Variants in BICDL1 observed in about 807,000 individuals in gnomAD.
BICDL1 encodes the protein BICD family like cargo adaptor 1, also known as BICD family-like cargo adapter 1.
Under a neutral mutation model 76.8 loss-of-function variants are expected in BICDL1, and 20 were observed. The ratio of observed to expected loss-of-function variants is 0.26; its 90% CI spans 0.18 to 0.38. The LOEUF is 0.38. BICDL1 is among the 10% of genes least tolerant of loss of function. The probability of loss-of-function intolerance (pLI) is 1.00; values close to 1 mark genes in which losing one functional copy is unlikely to be tolerated. For missense variants in BICDL1, 700 were observed against 798.6 expected, an observed-to-expected ratio of 0.88 and a Z score of 1.49; for synonymous variants, 383 against 337.1, an observed-to-expected ratio of 1.14 and a Z score of -1.49.
chr12:120,008,746 G>A (rs978159515), intron 2 of BICDL1, among the ~76,000 whole-genome samples: 1 of 152,132 alleles, frequency 6.6e-6, no homozygotes. Context: ...TCTTAGCAAT[G>A]TTTGTTATAT....
intron 3 of BICDL1, among the ~76,000 whole-genome samples, chr12:120,064,040 T>C (rs1445053764): frequency 6.6e-6 from 1 of 152,216 alleles, no homozygotes; most frequent in African/African-American, 2.4e-5. Flanking sequence ...TATCAACCTG[T>C]TTCATAAAAA....
chr12:120,064,373 C>T lies in BICDL1; in HGVS notation c.763-360C>T, dbSNP rs143848969. 4.3e-3 allele frequency among the ~76,000 whole-genome samples: 652 copies of T among 152,180 alleles called. 4 individuals are homozygous for T. Among genetic ancestry groups the T allele is most frequent in the Non-Finnish European group, 7.4e-3 (501 of 67,988 alleles). ...AGAAGTAGTGCAGCAGGTTAGGTTCCACTCCTCCTGCCAGTTGTAAGGATG... is the reference window on the plus strand; with the variant it reads ...AGAAGTAGTGCAGCAGGTTAGGTTCTACTCCTCCTGCCAGTTGTAAGGATG... On this transcript the variant is annotated intron_variant, in intron 3 of 9. Coordinates refer to ENST00000548673, the MANE Select transcript of BICDL1 (RefSeq NM_001367886.1).
In BICDL1 at chr12:119,997,959, C is replaced by G. The variant is rs990609557; in HGVS notation, c.430-562C>G. Among the ~76,000 whole-genome samples the G allele has an allele frequency of 2.6e-5, 4 of 152,172 alleles. No homozygotes were observed. The South Asian group carries it at 8.3e-4, about 32-fold the overall frequency. On this transcript the variant is annotated intron_variant, in intron 1 of 9. Transcript: ENST00000548673. The stretch of plus-strand genomic sequence containing the variant: ...TAAAACCCCATCTCTACTGAAAATA[C>G]AAAAATCAGCCCAGTGTCATGGCGC...
chr12:120,002,795 T>C (rs983353962), intron 2 of BICDL1, among the ~76,000 whole-genome samples: 2 of 152,074 alleles, frequency 1.3e-5, no homozygotes, highest in African/African-American at 4.8e-5. Context: ...CAGATTGCAG[T>C]AGGTACTATG....
chr12:120,082,756 A>G (rs1030405028), intron 8 of BICDL1, among the ~76,000 whole-genome samples: 3 of 151,710 alleles, frequency 2.0e-5, no homozygotes, highest in African/African-American at 7.3e-5. Context: ...TTTTGTAGAT[A>G]CGGGTTTTCA....
intron 2 of BICDL1, among the ~76,000 whole-genome samples, chr12:120,059,012 A>C (rs575399836): frequency 8.5e-5 from 13 of 152,302 alleles, no homozygotes; most frequent in Non-Finnish European, 1.8e-4. Flanking sequence ...AATATGAAAA[A>C]TTATTTCAAA....
rs1873833812 is a variant in BICDL1 at position 120,079,845 on chromosome 12, G to A, written c.1453-1042G>A. On this transcript the variant is annotated intron_variant, in intron 7 of 9. Transcript: ENST00000548673. The surrounding 1 kb of genome is among the most constrained non-coding windows in gnomAD (Gnocchi z 4.3). The stretch of plus-strand genomic sequence containing the variant: ...TAATTCCTCCCTCGCCTGGGGCTTT[G>A]CTGTGCTCAGAGCTGCAGTCCCTGG... 6.6e-6 allele frequency among the ~76,000 whole-genome samples: 1 copy of A among 152,208 alleles called. No homozygotes were observed. Among genetic ancestry groups the A allele is most frequent in the South Asian group, 2.1e-4 (1 of 4,830 alleles).
At chr12:120,033,545 T>G (rs1390444475) in intron 2 of BICDL1, among the ~76,000 whole-genome samples, 1 of 151,358 alleles carries the variant, frequency 6.6e-6, no homozygotes, top group Non-Finnish European at 1.5e-5. Flanking sequence ...CCCGGCTAAT[T>G]TTGTTTTTTG....
At chr12:120,026,851 C>T (rs1189063621) in intron 2 of BICDL1, among the ~76,000 whole-genome samples, 2 of 152,130 alleles carry the variant, frequency 1.3e-5, no homozygotes, top group Non-Finnish European at 2.9e-5. Context: ...AGTGCTGTGG[C>T]ATGACAAAGA....
At position 120,015,855 on chromosome 12, in the gene BICDL1, A is replaced by G. The variant is rs531101694; in HGVS notation, c.645+17119A>G. Among the ~76,000 whole-genome samples, 15 of 152,300 alleles carry G rather than the reference A, an allele frequency of 9.8e-5. No homozygotes were observed. The South Asian group carries it at 3.1e-3, about 32-fold the overall frequency. ...TTTCAGTGTAAGGAACCCCCTTTTT[A>G]AAACCTAATCCAATGACCTTCTACA... On this transcript the variant is annotated intron_variant, in intron 2 of 9. Transcript: ENST00000548673.
chr12:120,034,327 G>A (rs548213509), intron 2 of BICDL1, among the ~76,000 whole-genome samples: 71 of 152,326 alleles, frequency 4.7e-4, no homozygotes, highest in Non-Finnish European at 8.7e-4. Context: ...TCAAGAAGGC[G>A]TGACTGGACT....
intron 9 of BICDL1, 27 bp downstream of exon 9, chr12:120,090,098 G>A (rs371612435): frequency 2.2e-5 from 36 of 1,611,602 alleles, no homozygotes; most frequent in East Asian, 1.6e-4. Flanking sequence ...GATCCAGGGC[G>A]AGAGGAGACT....
chr12:120,089,567 A>C (rs921468134), intron 8 of BICDL1, among the ~76,000 whole-genome samples: 6 of 151,918 alleles, frequency 3.9e-5, no homozygotes, highest in Non-Finnish European at 8.8e-5. Context: ...TTTTTAGTAG[A>C]GACAGGGTTT....
intron 2 of BICDL1, 126 bp from the exon 3 acceptor site, chr12:120,061,584 C>T: frequency 1.4e-6 from 1 of 722,864 alleles, no homozygotes. Context: ...GGGAAACCAG[C>T]ATCTCATCTA....
chr12:120,005,808 C>T (rs1309915291), intron 2 of BICDL1, among the ~76,000 whole-genome samples: 2 of 152,134 alleles, frequency 1.3e-5, no homozygotes, highest in Non-Finnish European at 2.9e-5. Flanking sequence ...GCTAATGTAA[C>T]AGCTATGCCA....
intron 9 of BICDL1, 127 bp from the exon 10 acceptor site, chr12:120,092,873 C>T (rs972558697): frequency 1.1e-5 from 16 of 1,448,568 alleles, no homozygotes; most frequent in South Asian, 1.5e-5. Context: ...AGGGCAGTCC[C>T]GGCTGCAGCC....
At position 119,989,347 on chromosome 12, in the gene BICDL1, G is replaced by A. The variant is rs1398637415; in HGVS notation, c.-522G>A. Among the ~76,000 whole-genome samples, 1 of 150,908 alleles carries A rather than the reference G, an allele frequency of 6.6e-6. No individual in the cohort carries two copies. Among genetic ancestry groups the A allele is most frequent in the African/African-American group, 2.4e-5 (1 of 41,288 alleles). The stretch of plus-strand genomic sequence containing the variant: ...TGCTGCTGGGGCTGCCGCGGAGCCG[G>A]GGGTCATGGAGTGCGGCTGCAGAGA... On this transcript the variant is annotated 5_prime_UTR_variant, in exon 1 of 10. Transcript: ENST00000548673.
At chr12:120,036,384 G>A (rs1274264668) in intron 2 of BICDL1, among the ~76,000 whole-genome samples, 2 of 152,220 alleles carry the variant, frequency 1.3e-5, no homozygotes, top group Admixed American at 6.5e-5. Flanking sequence ...CTGCTGCAGT[G>A]TAAACCAGCT....
chr12:120,075,901 G>C (rs1873510145), intron 7 of BICDL1, among the ~76,000 whole-genome samples: 1 of 152,226 alleles, frequency 6.6e-6, no homozygotes, highest in South Asian at 2.1e-4. Context: ...GCTCACGCCT[G>C]TAATCCCAGC....
Sources: gnomAD v4.1 joint callset for allele counts (sites outside exome capture counted in the v4.1 genomes callset) on GRCh38, gnomAD v4.1.1 for gene constraint, Gnocchi (gnomAD v3.1) non-coding constraint, MANE v1.5 for transcripts, NCBI Gene and HGNC (gene_info 2026-07-23, HGNC 2026-07-21) for gene names.